FBLN1: variants seen among roughly 807,000 people sequenced by gnomAD.
The protein encoded by FBLN1 is fibulin-1.
FBLN1 carries 34 observed loss-of-function variants against 89.7 expected under a neutral mutation model. The ratio of observed to expected loss-of-function variants is 0.38; its 90% CI spans 0.29 to 0.50. FBLN1 has a LOEUF of 0.50. Among genes scored for constraint, FBLN1 ranks in the 20% least tolerant of loss-of-function variants. The pLI is 0.92. For missense variants in FBLN1, 777 were observed against 988.1 expected (o/e 0.79, Z 2.86); for synonymous variants, 393 against 391.3 (o/e 1.00, Z -0.05).
chr22:45,591,897 C>T (rs1367091581), intron 16 of FBLN1, among the ~76,000 whole-genome samples: 6 of 125,616 alleles, frequency 4.8e-5, no homozygotes, highest in African/African-American at 8.7e-5. Context: ...AAGTGTCCTG[C>T]GCGCCATTTT....
At chr22:45,517,316 G>A (rs2088182694) in intron 1 of FBLN1, 1 of 325,764 alleles carries the variant, frequency 3.1e-6, no homozygotes, top group African/African-American at 2.2e-5. Context: ...GGGCTGTCGT[G>A]CTAATGCTTT....
Position 45,550,545 on chromosome 22 carries a change from T to G in FBLN1, c.1627T>G (p.Phe543Val), listed in dbSNP as rs752412835. The G allele has an allele frequency of 1.2e-6, 2 of 1,614,138 alleles. No homozygotes were observed. The highest frequency in any genetic ancestry group is 2.2e-5 in the South Asian group (2 of 91,082). Residue 543 changes from phenylalanine (F) to valine (V), a missense_variant, in exon 14 of 17, where the codon TTC becomes GTC. By Grantham distance (50) the Phe-to-Val change is conservative. Transcript: ENST00000327858. This position sits in a 1 kb window ranked among gnomAD's most constrained non-coding sequence, Gnocchi z 8.4. ...IHNCSINETC[F>V]NIQGGFRCLA... is the part of the protein sequence containing the mutation. Reference sequence around the variant, plus strand: ...CAACTGCTCCATCAACGAGACCTGCTTCAACATCCAGGGCGGCTTCCGCTG... The same window carrying G: ...CAACTGCTCCATCAACGAGACCTGCGTCAACATCCAGGGCGGCTTCCGCTG...
intron 1 of FBLN1, among the ~76,000 whole-genome samples, chr22:45,507,029 T>C (rs2088030998): frequency 6.6e-6 from 1 of 152,220 alleles, no homozygotes; most frequent in African/African-American, 2.4e-5. Flanking sequence ...TGTGGCCCTA[T>C]AAGTAAACAG....
At chr22:45,552,390 C>T (rs1358991490) in intron 14 of FBLN1, among the ~76,000 whole-genome samples, 1 of 152,156 alleles carries the variant, frequency 6.6e-6, no homozygotes, top group African/African-American at 2.4e-5. Flanking sequence ...CTGCTGGGCG[C>T]CTGGCTTGTT....
In FBLN1 at chr22:45,597,790, C is replaced by T. The variant is rs2089199091; in HGVS notation, c.1973-2517C>T. On this transcript the variant is annotated intron_variant, in intron 16 of 16. Transcript: ENST00000327858. The surrounding 1 kb of genome is among the most constrained non-coding windows in gnomAD (Gnocchi z 4.2). ...ACAGCCTGCAGAAGCCTGTGCTTAT[C>T]TCTCCATCGGAGCTAAAGCCCATGT... Among the ~76,000 whole-genome samples, 1 of 152,226 alleles carries T rather than the reference C, an allele frequency of 6.6e-6. No individual in the cohort carries two copies. Among genetic ancestry groups the T allele is most frequent in the Non-Finnish European group, 1.5e-5 (1 of 68,044 alleles).
At position 45,562,856 on chromosome 22, in the gene FBLN1, C is replaced by G. The variant is rs1049420727; in HGVS notation, c.1698-11655C>G. ...GCATCCCCGCGCTCTGCCGTTTCTC[C>G]GCTTGCTGGACCGGCCCTAACCCTC... On this transcript the variant is annotated intron_variant, in intron 14 of 16. Transcript: ENST00000327858. This position sits in a 1 kb window ranked among gnomAD's most constrained non-coding sequence, Gnocchi z 7.8. The G allele has an allele frequency of 1.9e-6, 3 of 1,560,652 alleles. No individual in the cohort carries two copies. The African/African-American group carries it at 4.1e-5, about 21-fold the overall frequency.
rs1331800992 is a variant in FBLN1 at position 45,588,427 on chromosome 22, CA to C, written c.1972+11322del. Among the ~76,000 whole-genome samples, 14 of 152,164 alleles carry C rather than the reference CA, an allele frequency of 9.2e-5. No homozygotes were observed. The highest frequency in any genetic ancestry group is 2.1e-4 in the Non-Finnish European group (14 of 68,032). On this transcript the variant is annotated intron_variant, in intron 16 of 16. Transcript: ENST00000327858. The surrounding 1 kb of genome is among the most constrained non-coding windows in gnomAD (Gnocchi z 5.1). ...TTCTTCGCTTGACTTTCAATTCCAC[CA>C]AACAATTCCTAGACAGAAGAGCCTC...
Position 45,557,943 on chromosome 22 carries a change from T to G in FBLN1, c.1697+7328T>G. On this transcript the variant is annotated intron_variant, in intron 14 of 16. Coordinates refer to ENST00000327858, the MANE Select transcript of FBLN1 (RefSeq NM_006486.3). The surrounding 1 kb of genome is among the most constrained non-coding windows in gnomAD (Gnocchi z 4.9). ...TTCTGCCCACTGGGAAGATTTCCCT[T>G]TGCCACTGTCCTTCAGGGATGTCCT... is the stretch of plus-strand genomic sequence containing the variant. 1 of 652,008 alleles carries G rather than the reference T, an allele frequency of 1.5e-6. No homozygotes were observed. The highest frequency in any genetic ancestry group is 2.9e-6 in the Non-Finnish European group (1 of 347,160). 40.4% of individuals were successfully genotyped at this position (652,008 alleles called of 1,614,324 possible). A position where few individuals can be genotyped will look rare whatever the true frequency, so the allele number is the denominator to read the frequency against.
At chr22:45,538,768 A>G (rs888059295) in intron 8 of FBLN1, among the ~76,000 whole-genome samples, 1 of 151,980 alleles carries the variant, frequency 6.6e-6, no homozygotes, top group Non-Finnish European at 1.5e-5. Flanking sequence ...CGTGGTGGGA[A>G]GCGTTGATTT....
intron 14 of FBLN1, among the ~76,000 whole-genome samples, chr22:45,551,386 T>C (rs926127678): frequency 1.3e-5 from 2 of 152,210 alleles, no homozygotes; most frequent in Non-Finnish European, 2.9e-5. Context: ...CCTTGGCCCC[T>C]TGACCTTCAG....
In FBLN1 at chr22:45,549,891, AAC is replaced by A. The variant is rs1246616168; in HGVS notation, c.1574-595_1574-594del. Reference sequence around the variant, plus strand: ...TCCACCCTGAACAGCCACCAACCCCAACACACAGGCAAGACGTATGATCCCTC... The same window carrying A: ...TCCACCCTGAACAGCCACCAACCCCAACACAGGCAAGACGTATGATCCCTC... On this transcript the variant is annotated intron_variant, in intron 13 of 16. Coordinates refer to ENST00000327858, the MANE Select transcript of FBLN1 (RefSeq NM_006486.3). The surrounding 1 kb of genome is among the most constrained non-coding windows in gnomAD (Gnocchi z 5.7). Among the ~76,000 whole-genome samples, 1 of 152,150 alleles carries A rather than the reference AAC, an allele frequency of 6.6e-6. No individual in the cohort carries two copies. Among genetic ancestry groups the A allele is most frequent in the Non-Finnish European group, 1.5e-5 (1 of 68,014 alleles).
At chr22:45,585,413 C>T (rs2089076007) in intron 16 of FBLN1, among the ~76,000 whole-genome samples, 1 of 152,340 alleles carries the variant, frequency 6.6e-6, no homozygotes, top group African/African-American at 2.4e-5. Flanking sequence ...CGCCGCTGAC[C>T]GCGTCCTGCA....
chr22:45,580,598 G>A lies in FBLN1; in HGVS notation c.1972+3490G>A, dbSNP rs574736553. Among the ~76,000 whole-genome samples, 2 of 152,222 alleles carry A rather than the reference G, an allele frequency of 1.3e-5. No individual in the cohort carries two copies. The highest frequency in any genetic ancestry group is 6.5e-5 in the Admixed American group (1 of 15,282). On this transcript the variant is annotated intron_variant, in intron 16 of 16. Coordinates refer to ENST00000327858, the MANE Select transcript of FBLN1 (RefSeq NM_006486.3). The surrounding 1 kb of genome is among the most constrained non-coding windows in gnomAD (Gnocchi z 8.6). Reference sequence around the variant, plus strand: ...GCCAGAGAGGGCAAGAGATTTGCCCGAGGCCACTCAGAGCTGGGGCCAGAG... The same window carrying A: ...GCCAGAGAGGGCAAGAGATTTGCCCAAGGCCACTCAGAGCTGGGGCCAGAG...
At chr22:45,512,111 G>A (rs553884549) in intron 1 of FBLN1, among the ~76,000 whole-genome samples, 1 of 151,924 alleles carries the variant, frequency 6.6e-6, no homozygotes, top group South Asian at 2.1e-4. Flanking sequence ...TTGGGTGGGT[G>A]TCCAGTGTGG....
chr22:45,542,832 G>A (rs763248548), intron 10 of FBLN1, among the ~76,000 whole-genome samples: 2 of 152,218 alleles, frequency 1.3e-5, no homozygotes, highest in Non-Finnish European at 2.9e-5. Context: ...AGGAGGACTG[G>A]CAGGAGGGCA....
chr22:45,542,645 TGCCTTTA>T (rs1231282146), intron 10 of FBLN1, among the ~76,000 whole-genome samples: 1 of 152,198 alleles, frequency 6.6e-6, no homozygotes. Context: ...TAGAGATGTG[TGCCTTTA>T]GCCCAGGGCA....
rs1043898385 is a variant in FBLN1, at chr22:45,583,250, G to A, written c.1972+6142G>A. On this transcript the variant is annotated intron_variant, in intron 16 of 16. Coordinates refer to ENST00000327858, the MANE Select transcript of FBLN1 (RefSeq NM_006486.3). This position sits in a 1 kb window ranked among gnomAD's most constrained non-coding sequence, Gnocchi z 4.5. The stretch of plus-strand genomic sequence containing the variant: ...CTCAGCCCCCCAGGCAGCTCTAAGG[G>A]CTCAGCTGCTGCAGGATTCCTTAGA... Among the ~76,000 whole-genome samples the A allele has an allele frequency of 9.9e-5, 15 of 152,156 alleles. No individual in the cohort carries two copies. The highest frequency in any genetic ancestry group is 1.2e-4 in the Non-Finnish European group (8 of 68,032).
At chr22:45,589,413 A>G (rs1010503489) in intron 16 of FBLN1, among the ~76,000 whole-genome samples, 1 of 152,188 alleles carries the variant, frequency 6.6e-6, no homozygotes, top group Non-Finnish European at 1.5e-5. Flanking sequence ...AGCACGGTCC[A>G]TAGCGTAGGT....
rs1469009722 is a variant in FBLN1 at position 45,574,168 on chromosome 22, CAT to C, written c.1698-340_1698-339del. On this transcript the variant is annotated intron_variant, in intron 14 of 16. Coordinates refer to ENST00000327858, the MANE Select transcript of FBLN1 (RefSeq NM_006486.3). The surrounding 1 kb of genome is among the most constrained non-coding windows in gnomAD (Gnocchi z 4.1). The stretch of plus-strand genomic sequence containing the variant: ...AGCAGCCGGCGCCTGGCACTCAAAA[CAT>C]ATTTGTTGGGCAAGTGAACCTGTGA... Among the ~76,000 whole-genome samples, 2 of 152,344 alleles carry C rather than the reference CAT, an allele frequency of 1.3e-5. No homozygotes were observed. Among genetic ancestry groups the C allele is most frequent in the South Asian group, 2.1e-4 (1 of 4,830 alleles).
Sources: gnomAD v4.1 joint callset for allele counts (sites outside exome capture counted in the v4.1 genomes callset) on GRCh38, gnomAD v4.1.1 for gene constraint, Gnocchi (gnomAD v3.1) non-coding constraint, MANE v1.5 for transcripts, NCBI Gene and HGNC (gene_info 2026-07-23, HGNC 2026-07-21) for gene names.